CDH11: variants seen among roughly 807,000 people sequenced by gnomAD.
The protein encoded by CDH11 is cadherin-11.
CDH11 carries 11 observed loss-of-function variants against 67.8 expected under a neutral mutation model. The observed-to-expected ratio is 0.16, with a 90% CI of 0.10 to 0.27. The LOEUF (loss-of-function observed/expected upper bound fraction) is 0.27, where lower values mean the gene tolerates loss of function less well. Ranked by LOEUF, CDH11 falls within the 10% of genes least tolerant of loss-of-function variation. The pLI, the probability that CDH11 is intolerant of heterozygous loss-of-function variation, is 1.00. For missense variants in CDH11, 847 were observed against 1,031.2 expected (o/e 0.82, Z 2.45); for synonymous variants, 419 against 400.0 (o/e 1.05, Z -0.57).
At chr16:65,119,953 C>A in intron 1 of CDH11, among the ~76,000 whole-genome samples, 1 of 152,274 alleles carries the variant, frequency 6.6e-6, no homozygotes, top group South Asian at 2.1e-4. Context: ...AATTCCAGAG[C>A]CCACTGGCCA....
At chr16:64,996,534 A>T (rs983377502) in intron 4 of CDH11, among the ~76,000 whole-genome samples, 27 of 151,526 alleles carry the variant, frequency 1.8e-4, no homozygotes, top group Non-Finnish European at 3.5e-4. Flanking sequence ...CAGCAATCCC[A>T]TTACTCTTTA....
rs1273453913 is a variant in CDH11 at position 65,053,818 on chromosome 16, G to A, written c.-187C>T. On this transcript the variant is annotated 5_prime_UTR_variant, in exon 2 of 13. Transcript: ENST00000268603. ...GTCCAACTTACCTTCTTCACCCATTGGATACTTGCTGCCAATTTCTGTAAC... is the reference window on the plus strand; with the variant it reads ...GTCCAACTTACCTTCTTCACCCATTAGATACTTGCTGCCAATTTCTGTAAC... 3 of 455,926 alleles carry A rather than the reference G, an allele frequency of 6.6e-6. No homozygotes were observed. Among genetic ancestry groups the A allele is most frequent in the South Asian group, 4.6e-5 (3 of 64,540 alleles). 28.2% of individuals were successfully genotyped at this position (455,926 alleles called of 1,614,324 possible). A position where few individuals can be genotyped will look rare whatever the true frequency, so the allele number is the denominator to read the frequency against.
chr16:65,005,701 T>C (rs931514141), intron 2 of CDH11, among the ~76,000 whole-genome samples: 1 of 152,192 alleles, frequency 6.6e-6, no homozygotes, highest in African/African-American at 2.4e-5. Flanking sequence ...GGGTATAGTG[T>C]CAATTCAAGG....
intron 2 of CDH11, among the ~76,000 whole-genome samples, chr16:65,013,181 C>T (rs1239367566): frequency 6.6e-6 from 1 of 152,138 alleles, no homozygotes; most frequent in East Asian, 1.9e-4. Flanking sequence ...GCTCTGTATA[C>T]AACTTGAGGC....
chr16:65,099,851 A>G (rs1191179926), intron 1 of CDH11, among the ~76,000 whole-genome samples: 1 of 152,120 alleles, frequency 6.6e-6, no homozygotes, highest in Non-Finnish European at 1.5e-5. Flanking sequence ...CATTGCCCTC[A>G]TGACAATGAA....
intron 1 of CDH11, among the ~76,000 whole-genome samples, chr16:65,087,357 G>C (rs1381932561): frequency 1.3e-5 from 2 of 151,968 alleles, no homozygotes; most frequent in African/African-American, 4.8e-5. Context: ...TGCAATTCAG[G>C]GGACTATGTA....
At chr16:65,034,275 T>G (rs1200541074) in intron 2 of CDH11, among the ~76,000 whole-genome samples, 1 of 152,164 alleles carries the variant, frequency 6.6e-6, no homozygotes, top group African/African-American at 2.4e-5. Context: ...AAGAACCAAC[T>G]CTGCCAACAC....
At chr16:65,096,407 GT>G (rs762811540) in intron 1 of CDH11, among the ~76,000 whole-genome samples, 563 of 23,416 alleles carry the variant, frequency 0.024, 3 homozygotes, top group East Asian at 0.058. Context: ...ATCTTTCGGG[GT>G]GTGTGTGTGT....
chr16:65,009,243 T>A (rs909148460), intron 2 of CDH11, among the ~76,000 whole-genome samples: 5 of 152,006 alleles, frequency 3.3e-5, no homozygotes, highest in African/African-American at 1.2e-4. Flanking sequence ...TAAAAAAAAA[T>A]TATCCAAACC....
At chr16:65,015,015 T>TTTATTATTATTA (rs71143548) in intron 2 of CDH11, among the ~76,000 whole-genome samples, 1,693 of 135,842 alleles carry the variant, frequency 0.012, 35 homozygotes, top group African/African-American at 0.036. Context: ...GCCTGGCTAA[T>TTTATTATTATTA]TTATTATTAT....
intron 8 of CDH11, chr16:64,981,146 C>A (rs2072334201): frequency 7.0e-6 from 1 of 143,270 alleles, no homozygotes; most frequent in African/African-American, 2.7e-5. Context: ...CACTCTGCCA[C>A]CCAGGCTAGA....
intron 2 of CDH11, among the ~76,000 whole-genome samples, chr16:65,038,015 A>T (rs780935025): frequency 6.6e-6 from 1 of 152,180 alleles, no homozygotes; most frequent in Non-Finnish European, 1.5e-5. Context: ...TTAATAAAAA[A>T]AGAATTGTTC....
chr16:65,002,653 T>C lies in CDH11; in HGVS notation c.228+1989A>G, dbSNP rs191136151. Among the ~76,000 whole-genome samples the C allele has an allele frequency of 4.6e-5, 7 of 152,348 alleles. No individual in the cohort carries two copies. In the East Asian group the frequency reaches 1.3e-3, roughly 29 times the overall value. Reference sequence around the variant, plus strand: ...ATTGAGATTCTAACATTAATCTCCTTCAAGTATGTCAATTATGTGAACATG... The same window carrying C: ...ATTGAGATTCTAACATTAATCTCCTCCAAGTATGTCAATTATGTGAACATG... On this transcript the variant is annotated intron_variant, in intron 3 of 12. Transcript: ENST00000268603.
At chr16:65,072,195 G>A (rs540156892) in intron 1 of CDH11, 2 of 152,438 alleles carry the variant, frequency 1.3e-5, no homozygotes, top group African/African-American at 4.8e-5. Flanking sequence ...AGGACCGTGA[G>A]AGGGCTCAGC....
intron 1 of CDH11, among the ~76,000 whole-genome samples, chr16:65,085,209 C>T (rs756444520): frequency 5.3e-5 from 8 of 152,198 alleles, no homozygotes; most frequent in Admixed American, 1.3e-4. Context: ...CCACACCTGG[C>T]CTTAAAAAAT....
chr16:65,080,562 C>G (rs540220802), intron 1 of CDH11, among the ~76,000 whole-genome samples: 5 of 152,142 alleles, frequency 3.3e-5, no homozygotes, highest in African/African-American at 1.2e-4. Context: ...TGATTAGTAA[C>G]AAGTTGAATT....
chr16:64,998,459 A>G, intron 4 of CDH11, 103 bp downstream of exon 4: 1 of 1,082,702 alleles, frequency 9.2e-7, no homozygotes, highest in Non-Finnish European at 1.3e-6. Flanking sequence ...CATAAAAGAT[A>G]AAGAAGAAGC....
At chr16:65,088,990 G>A (rs992641909) in intron 1 of CDH11, among the ~76,000 whole-genome samples, 1 of 152,148 alleles carries the variant, frequency 6.6e-6, no homozygotes, top group African/African-American at 2.4e-5. Flanking sequence ...TCAAAGAAAT[G>A]GAAAGTGCAT....
chr16:64,983,577 C>A (rs570190120), intron 7 of CDH11, among the ~76,000 whole-genome samples: 9 of 152,174 alleles, frequency 5.9e-5, no homozygotes, highest in Non-Finnish European at 1.2e-4. Context: ...AGCTGATGAT[C>A]CCAGTTTCAA....
Sources: gnomAD v4.1 joint callset for allele counts (sites outside exome capture counted in the v4.1 genomes callset) on GRCh38, gnomAD v4.1.1 for gene constraint, MANE v1.5 for transcripts, NCBI Gene and HGNC (gene_info 2026-07-23, HGNC 2026-07-21) for gene names.